The following ATAD2B variants were observed in gnomAD, a reference collection of about 807,000 sequenced individuals.
ATAD2B encodes the protein ATPase family AAA domain containing 2B.
A neutral mutation model predicts 167.6 loss-of-function variants in ATAD2B; 40 were observed. That is an observed-to-expected ratio of 0.24 (90% CI 0.19 to 0.31). ATAD2B has a LOEUF of 0.31. Ranked by LOEUF, ATAD2B falls within the 10% of genes least tolerant of loss-of-function variation. The pLI, the probability that ATAD2B is intolerant of heterozygous loss-of-function variation, is 1.00. For synonymous variants in ATAD2B, 579 were observed against 596.5 expected, an observed-to-expected ratio of 0.97 and a Z score of 0.43; for missense variants, 1,242 against 1,757.2, an observed-to-expected ratio of 0.71 and a Z score of 5.24.
At chr2:23,851,912 A>G (rs1204348311) in intron 13 of ATAD2B, among the ~76,000 whole-genome samples, 1 of 133,764 alleles carries the variant, frequency 7.5e-6, no homozygotes, top group Non-Finnish European at 1.6e-5. Context: ...CTCTAGCCGG[A>G]GTAATCAAGA....
At chr2:23,848,423 T>G (rs1264585480) in intron 13 of ATAD2B, among the ~76,000 whole-genome samples, 4 of 152,092 alleles carry the variant, frequency 2.6e-5, no homozygotes, top group Admixed American at 6.6e-5. Flanking sequence ...GAGGTTGCAG[T>G]GAGCCGAGAC....
the ATAD2B span, chr2:23,696,006 G>T: frequency 6.4e-7 from 1 of 1,551,690 alleles, no homozygotes; most frequent in Non-Finnish European, 8.7e-7. This position sits in a 1 kb window ranked among gnomAD's most constrained non-coding sequence, Gnocchi z 5.5. Flanking sequence ...GGATGACCCA[G>T]CGCTCGCTGG....
rs1207780932 is a variant in ATAD2B at position 23,857,438 on chromosome 2, A to T, written c.1545T>A (p.Ser515=). The change falls in exon 13 of 28, where the codon TCT becomes TCA. Residue 515 remains serine (S), a synonymous_variant. Coordinates refer to ENST00000238789, the MANE Select transcript of ATAD2B (RefSeq NM_017552.4). ...ACCTGTGGATCTGATCTTGTCTGCT[A>T]GAGCGAACTGGAGCTAATCCATCTA... ...DEIDGLAPVR[S]SRQDQIHSSI... is the part of the protein sequence containing the mutation. 3 of 1,518,880 alleles carry T rather than the reference A, an allele frequency of 2.0e-6. No individual in the cohort carries two copies. The highest frequency in any genetic ancestry group is 2.6e-6 in the Non-Finnish European group (3 of 1,139,824). The allele number at this position is 1,518,880 out of a possible 1,614,324, so 94.1% of individuals were successfully genotyped here. A position where few individuals can be genotyped will look rare whatever the true frequency, so the allele number is the denominator to read the frequency against.
intron 1 of ATAD2B, among the ~76,000 whole-genome samples, chr2:23,903,613 ATAAC>A (rs1701098038): frequency 6.6e-6 from 1 of 152,234 alleles, no homozygotes; most frequent in African/African-American, 2.4e-5. Context: ...GAACTTGAGA[ATAAC>A]TAGAAATGAA....
intron 2 of ATAD2B, among the ~76,000 whole-genome samples, chr2:23,893,998 A>G (rs992885690): frequency 6.6e-6 from 1 of 152,110 alleles, no homozygotes; most frequent in Non-Finnish European, 1.5e-5. Context: ...GTTACTAAAC[A>G]TTGTCCTTTT....
intron 17 of ATAD2B, among the ~76,000 whole-genome samples, chr2:23,819,062 T>C (rs1210254350): frequency 6.6e-6 from 1 of 152,232 alleles, no homozygotes; most frequent in East Asian, 1.9e-4. Flanking sequence ...AATTAAAGTA[T>C]TCCAGATCAT....
chr2:23,784,683 G>A (rs116590637), intron 21 of ATAD2B, among the ~76,000 whole-genome samples: 3,234 of 152,014 alleles, frequency 0.021, 48 homozygotes, highest in Non-Finnish European at 0.032. Context: ...ACCAAATAGG[G>A]GAGTGGAAGA....
At chr2:23,773,976 G>C (rs533022729) in intron 22 of ATAD2B, among the ~76,000 whole-genome samples, 1 of 152,160 alleles carries the variant, frequency 6.6e-6, no homozygotes, top group East Asian at 1.9e-4. Flanking sequence ...GAATGTAACA[G>C]CAATTTCACT....
chr2:23,701,164 G>A, the ATAD2B span, among the ~76,000 whole-genome samples: 1 of 152,144 alleles, frequency 6.6e-6, no homozygotes, highest in South Asian at 2.1e-4. Flanking sequence ...CCAGTCCCAA[G>A]CCAGACCCTG....
chr2:23,724,539 T>G, the ATAD2B span, among the ~76,000 whole-genome samples: 1 of 152,148 alleles, frequency 6.6e-6, no homozygotes, highest in Non-Finnish European at 1.5e-5. Flanking sequence ...CTCATGTCAC[T>G]GAAATCACAA....
chr2:23,907,407 AC>A (rs1244603438), intron 1 of ATAD2B, among the ~76,000 whole-genome samples: 1 of 152,110 alleles, frequency 6.6e-6, no homozygotes, highest in Non-Finnish European at 1.5e-5. Context: ...AATCCAACTT[AC>A]GAGGGATGTG....
chr2:23,709,280 G>A, the ATAD2B span, among the ~76,000 whole-genome samples: 1 of 152,136 alleles, frequency 6.6e-6, no homozygotes, highest in Non-Finnish European at 1.5e-5. Context: ...AACCTCAGGT[G>A]ATCCACCCAC....
chr2:23,789,376 G>C (rs1382588002), intron 19 of ATAD2B, among the ~76,000 whole-genome samples: 1 of 152,006 alleles, frequency 6.6e-6, no homozygotes, highest in Non-Finnish European at 1.5e-5. Context: ...GGTTTTTCTA[G>C]AATGTCTACC....
At chr2:23,686,817 A>G in the ATAD2B span, among the ~76,000 whole-genome samples, 1 of 152,114 alleles carries the variant, frequency 6.6e-6, no homozygotes, top group Non-Finnish European at 1.5e-5. Flanking sequence ...AGCATACAGT[A>G]AGGTCACACA....
intron 10 of ATAD2B, 44 bp from the exon 11 acceptor site, chr2:23,864,968 G>T (rs1694925790): frequency 1.7e-6 from 2 of 1,154,812 alleles, no homozygotes; most frequent in Non-Finnish European, 1.2e-6. Flanking sequence ...AATTTTATAT[G>T]TTTTATAGAA....
chr2:23,901,610 T>C (rs551194027), intron 1 of ATAD2B, among the ~76,000 whole-genome samples: 2 of 152,260 alleles, frequency 1.3e-5, no homozygotes, highest in East Asian at 3.9e-4. Context: ...ACAAAATTTC[T>C]GGAAATTTGT....
At position 23,757,983 on chromosome 2, in the gene ATAD2B, G is replaced by T; in HGVS notation, c.3513C>A (p.Asn1171Lys). The change falls in exon 25 of 28, where the codon AAC (asparagine) becomes AAA (lysine). Residue 1171 changes from asparagine (N) to lysine (K), a missense_variant. By Grantham distance (94) the Asn-to-Lys change is moderately conservative. Coordinates refer to ENST00000238789, the MANE Select transcript of ATAD2B (RefSeq NM_017552.4). ...EEDTKFADYE[N>K]HTEDRKLLEN... ...CTAATAATTTCCTGTCCTCCGTATG[G>T]TTCTCATAGTCTGCAAATTTGGTGT... 6.2e-7 allele frequency: 1 copy of T among 1,613,060 alleles called. No individual in the cohort carries two copies. Among genetic ancestry groups the T allele is most frequent in the Non-Finnish European group, 8.5e-7 (1 of 1,179,544 alleles).
chr2:23,875,861 A>C lies in ATAD2B; in HGVS notation c.945T>G (p.Ile315Met). ...GGCTTCTTCTTGCTGGAGATCTATG[A>C]ATATCAAACAGCGTGTTTTCCCTCT... ...QKKRENTLFD[I>M]HRSPARRSHI... Residue 315 changes from isoleucine to methionine, a missense_variant, in exon 8 of 28, where the codon ATT becomes ATG. Physicochemically the swap from Ile to Met is conservative, Grantham distance 10. Around this residue, in one of 9 missense-constraint regions of ATAD2B, gnomAD observed 127 missense variants for 146.3 expected, o/e 0.87. Transcript: ENST00000238789. The C allele has an allele frequency of 6.2e-7, 1 of 1,610,730 alleles. No individual in the cohort carries two copies. Among genetic ancestry groups the C allele is most frequent in the African/African-American group, 1.3e-5 (1 of 75,042 alleles).
At chr2:23,678,609 A>G in the ATAD2B span, among the ~76,000 whole-genome samples, 1 of 152,238 alleles carries the variant, frequency 6.6e-6, no homozygotes, top group Non-Finnish European at 1.5e-5. Flanking sequence ...CACAGTCTAA[A>G]TAAGTGCTCA....
Sources: gnomAD v4.1 joint callset for allele counts (sites outside exome capture counted in the v4.1 genomes callset) on GRCh38, gnomAD v4.1.1 for gene constraint, gnomAD v4.1.1 regional missense constraint, Gnocchi (gnomAD v3.1) non-coding constraint, MANE v1.5 for transcripts, NCBI Gene and HGNC (gene_info 2026-07-23, HGNC 2026-07-21) for gene names.